Variants in PRKG1 observed in about 807,000 individuals in gnomAD.
PRKG1 encodes cGMP-dependent protein kinase 1.
In PRKG1, 35 loss-of-function variants were observed where a neutral mutation model predicts 88.1. The ratio of observed to expected loss-of-function variants is 0.40; its 90% confidence interval spans 0.30 to 0.53. PRKG1 has a LOEUF of 0.53. PRKG1 is among the 20% of genes least tolerant of loss of function. The pLI, the probability that PRKG1 is intolerant of heterozygous loss-of-function variation, is 0.59. For synonymous variants in PRKG1, 303 were observed against 292.5 expected (o/e 1.04, Z -0.37); for missense variants, 540 against 839.8 (o/e 0.64, Z 4.41).
At chr10:51,537,019 T>C (rs907042313) in intron 3 of PRKG1, among the ~76,000 whole-genome samples, 20 of 152,168 alleles carry the variant, frequency 1.3e-4, no homozygotes, top group African/African-American at 4.3e-4. Context: ...TAATCCATCT[T>C]GAATTGACTT....
At chr10:51,450,880 G>A (rs1231053863) in intron 2 of PRKG1, among the ~76,000 whole-genome samples, 2 of 151,520 alleles carry the variant, frequency 1.3e-5, no homozygotes, top group South Asian at 2.1e-4. Context: ...CCTCATTGTG[G>A]CAAAAGCATT....
chr10:51,928,396 T>C (rs1842621950), intron 5 of PRKG1, among the ~76,000 whole-genome samples: 1 of 152,244 alleles, frequency 6.6e-6, no homozygotes, highest in African/African-American at 2.4e-5. Flanking sequence ...TTATGGCTAC[T>C]GTTATCAATC....
intron 2 of PRKG1, among the ~76,000 whole-genome samples, chr10:51,315,645 C>T (rs992967891): frequency 6.6e-6 from 1 of 152,142 alleles, no homozygotes; most frequent in African/African-American, 2.4e-5. Flanking sequence ...AAGTAACTTT[C>T]CTGAGACCAC....
At chr10:51,423,695 G>A (rs887989263) in intron 2 of PRKG1, among the ~76,000 whole-genome samples, 1 of 152,094 alleles carries the variant, frequency 6.6e-6, no homozygotes, top group Admixed American at 6.5e-5. Context: ...TCTATATTAT[G>A]ATGGCTATAG....
intron 2 of PRKG1, among the ~76,000 whole-genome samples, chr10:51,332,033 A>C (rs148950863): frequency 6.6e-6 from 1 of 152,226 alleles, no homozygotes; most frequent in Non-Finnish European, 1.5e-5. Context: ...TTTCTTTGGT[A>C]AACATTCTTT....
At chr10:51,104,490 C>A (rs925162416) in intron 1 of PRKG1, among the ~76,000 whole-genome samples, 1 of 152,036 alleles carries the variant, frequency 6.6e-6, no homozygotes, top group Non-Finnish European at 1.5e-5. Context: ...GCCTTTGGAA[C>A]ATATTTTTGA....
intron 1 of PRKG1, among the ~76,000 whole-genome samples, chr10:51,083,308 T>C (rs556772992): frequency 1.3e-5 from 2 of 152,326 alleles, no homozygotes; most frequent in East Asian, 3.9e-4. Flanking sequence ...TAGGATCAGC[T>C]TTCATCCCAA....
chr10:51,644,298 A>T (rs1589156197), intron 3 of PRKG1, among the ~76,000 whole-genome samples: 1 of 152,136 alleles, frequency 6.6e-6, no homozygotes, highest in South Asian at 2.1e-4. Flanking sequence ...TGATGAGATT[A>T]TGTCATAGCT....
chr10:51,628,965 C>CAAAAAA (rs199634329), intron 3 of PRKG1, among the ~76,000 whole-genome samples: 180 of 98,434 alleles, frequency 1.8e-3, no homozygotes, highest in South Asian at 8.9e-3. Flanking sequence ...GACTCCGTCT[C>CAAAAAA]AAAAAAAAAA....
intron 3 of PRKG1, among the ~76,000 whole-genome samples, chr10:51,505,083 A>G (rs1841154981): frequency 6.6e-6 from 1 of 152,142 alleles, no homozygotes; most frequent in Non-Finnish European, 1.5e-5. Flanking sequence ...GTTTTTGCCC[A>G]TTCAGTATGA....
chr10:51,530,750 G>A lies in PRKG1; in HGVS notation c.592+62914G>A, dbSNP rs554554272. On this transcript the variant is annotated intron_variant, in intron 3 of 17. Transcript: ENST00000373980. Reference sequence around the variant, plus strand: ...AAGCCCACACAGCCTGCCAAGAACCGTCCCTCTCTTCTCACACACGACCTT... The same window carrying A: ...AAGCCCACACAGCCTGCCAAGAACCATCCCTCTCTTCTCACACACGACCTT... Among the ~76,000 whole-genome samples the A allele has an allele frequency of 1.6e-4, 25 of 152,204 alleles. No homozygotes were observed. In the South Asian group the frequency reaches 4.2e-3, roughly 25 times the overall value.
chr10:51,007,839 A>G (rs1031127325), intron 1 of PRKG1, among the ~76,000 whole-genome samples: 1 of 152,260 alleles, frequency 6.6e-6, no homozygotes, highest in Non-Finnish European at 1.5e-5. Context: ...ATACTAATTC[A>G]GCATTGTTAA....
At chr10:51,733,363 GT>G (rs1837169717) in intron 3 of PRKG1, among the ~76,000 whole-genome samples, 1 of 152,148 alleles carries the variant, frequency 6.6e-6, no homozygotes, top group South Asian at 2.1e-4. Context: ...TTGTGTGGGG[GT>G]GGTTGATACA....
At chr10:51,097,655 A>G (rs1372583152) in intron 1 of PRKG1, among the ~76,000 whole-genome samples, 4 of 152,188 alleles carry the variant, frequency 2.6e-5, no homozygotes, top group Non-Finnish European at 4.4e-5. Context: ...CCAAAGTTCC[A>G]AAAGCACTTC....
At chr10:51,368,624 G>A (rs1842637967) in intron 2 of PRKG1, among the ~76,000 whole-genome samples, 1 of 152,102 alleles carries the variant, frequency 6.6e-6, no homozygotes. Flanking sequence ...TGACAAAAGA[G>A]AGTGAAATGT....
Position 51,690,386 on chromosome 10 carries a change from G to A in PRKG1, c.593-114199G>A, listed in dbSNP as rs575115945. 2.9e-4 allele frequency among the ~76,000 whole-genome samples: 44 copies of A among 152,290 alleles called. 1 individual carries two copies. The Middle Eastern group carries it at 0.017, about 59-fold the overall frequency. ...AAGGATTTTGAATTTTATTCTAAGA[G>A]CAATGTAAGCCATGAGAGGTTTTAA... On this transcript the variant is annotated intron_variant, in intron 3 of 17. Transcript: ENST00000373980.
At chr10:51,530,447 T>G (rs937024835) in intron 3 of PRKG1, among the ~76,000 whole-genome samples, 7 of 152,186 alleles carry the variant, frequency 4.6e-5, no homozygotes, top group Non-Finnish European at 1.0e-4. Context: ...TAACTTAATT[T>G]TCCATAACAG....
intron 9 of PRKG1, chr10:52,184,826 C>T: frequency 6.6e-6 from 1 of 152,094 alleles, no homozygotes; most frequent in Admixed American, 6.6e-5. Flanking sequence ...AGGTCCCAGA[C>T]TTTTAAACAA....
At chr10:52,015,480 T>C (rs1305771551) in intron 5 of PRKG1, among the ~76,000 whole-genome samples, 1 of 152,218 alleles carries the variant, frequency 6.6e-6, no homozygotes, top group Non-Finnish European at 1.5e-5. Flanking sequence ...TCTCCAGACC[T>C]GTGATGGCAG....
Sources: gnomAD v4.1 joint callset for allele counts (sites outside exome capture counted in the v4.1 genomes callset) on GRCh38, gnomAD v4.1.1 for gene constraint, MANE v1.5 for transcripts, NCBI Gene and HGNC (gene_info 2026-07-23, HGNC 2026-07-21) for gene names.